Variants in DPP10 observed in about 807,000 individuals in gnomAD.
The protein encoded by DPP10 is dipeptidyl peptidase like 10.
In DPP10, 33 loss-of-function variants were observed where a neutral mutation model predicts 120.9. The ratio of observed to expected loss-of-function variants is 0.27; its 90% CI spans 0.21 to 0.37. The LOEUF (loss-of-function observed/expected upper bound fraction) is 0.37. DPP10 is among the 10% of genes least tolerant of loss of function. The pLI is 1.00. For missense variants in DPP10, 816 were observed against 942.8 expected, an observed-to-expected ratio of 0.87 and a Z score of 1.76; for synonymous variants, 337 against 326.1, an observed-to-expected ratio of 1.03 and a Z score of -0.36.
intron 1 of DPP10, among the ~76,000 whole-genome samples, chr2:115,267,416 G>A (rs565067693): frequency 2.6e-5 from 4 of 152,116 alleles, no homozygotes; most frequent in Non-Finnish European, 5.9e-5. Context: ...TAGAGTAGCA[G>A]GGACTTGTTT....
At chr2:114,656,067 G>A (rs182198206) in intron 1 of DPP10, among the ~76,000 whole-genome samples, 1 of 152,228 alleles carries the variant, frequency 6.6e-6, no homozygotes, top group Admixed American at 6.5e-5. Flanking sequence ...AATTAGTTAT[G>A]TTGAGATTCA....
intron 3 of DPP10, among the ~76,000 whole-genome samples, chr2:115,352,560 T>C (rs559104789): frequency 1.7e-4 from 26 of 152,306 alleles, no homozygotes; most frequent in Middle Eastern, 3.4e-3. Context: ...TATCCTTTTA[T>C]CTATCCAACA....
At chr2:115,179,876 G>A (rs756920585) in intron 1 of DPP10, among the ~76,000 whole-genome samples, 2 of 152,170 alleles carry the variant, frequency 1.3e-5, no homozygotes, top group Non-Finnish European at 2.9e-5. Context: ...ACTCGAAACC[G>A]TTTCACAGAA....
chr2:114,587,358 C>T (rs540525548), intron 1 of DPP10, among the ~76,000 whole-genome samples: 1 of 150,530 alleles, frequency 6.6e-6, no homozygotes, highest in South Asian at 2.1e-4. Context: ...CAGACACACA[C>T]AGCCTCAGTT....
rs563908991 is a variant in DPP10 at position 115,354,187 on chromosome 2, G to A, written c.271+10275G>A. On this transcript the variant is annotated intron_variant, in intron 3 of 25. Transcript: ENST00000410059. ...GTCAACTTTTATTTTAGATTCAGGGGTACATGTTGTTACCTGGGTATACCA... is the reference window on the plus strand; with the variant it reads ...GTCAACTTTTATTTTAGATTCAGGGATACATGTTGTTACCTGGGTATACCA... Among the ~76,000 whole-genome samples the A allele has an allele frequency of 5.3e-5, 8 of 152,126 alleles. No individual in the cohort carries two copies. In the South Asian group the frequency reaches 1.7e-3, roughly 32 times the overall value.
intron 3 of DPP10, among the ~76,000 whole-genome samples, chr2:115,347,954 T>C (rs1027050435): frequency 2.6e-5 from 4 of 152,162 alleles, no homozygotes; most frequent in Non-Finnish European, 5.9e-5. Context: ...CATATGCATG[T>C]GTCTTTATAG....
intron 1 of DPP10, among the ~76,000 whole-genome samples, chr2:114,720,702 C>A (rs1189553801): frequency 1.3e-5 from 2 of 152,188 alleles, no homozygotes; most frequent in Admixed American, 6.5e-5. Context: ...GACTAGTGCT[C>A]ACCCATATCT....
intron 1 of DPP10, among the ~76,000 whole-genome samples, chr2:115,125,510 A>T (rs1573704293): frequency 6.6e-6 from 1 of 151,948 alleles, no homozygotes; most frequent in South Asian, 2.1e-4. Context: ...ACCATTTTTA[A>T]AGTATTTTCT....
intron 1 of DPP10, among the ~76,000 whole-genome samples, chr2:115,227,480 ACAGTT>A (rs1288438940): frequency 1.3e-5 from 2 of 152,122 alleles, no homozygotes; most frequent in African/African-American, 4.8e-5. Flanking sequence ...TTCTTAGTGA[ACAGTT>A]CTGAGTTTTG....
At chr2:115,074,146 G>A (rs1707598230) in intron 1 of DPP10, among the ~76,000 whole-genome samples, 1 of 152,012 alleles carries the variant, frequency 6.6e-6, no homozygotes, top group Non-Finnish European at 1.5e-5. Context: ...CTAGTCGCTT[G>A]GACTACAGGC....
chr2:115,051,916 A>T (rs1192812343), intron 1 of DPP10, among the ~76,000 whole-genome samples: 1 of 152,236 alleles, frequency 6.6e-6, no homozygotes, highest in East Asian at 1.9e-4. Context: ...ATATATCAGA[A>T]CATCATGTTA....
chr2:115,215,697 T>C (rs1441910375), intron 1 of DPP10, among the ~76,000 whole-genome samples: 3 of 152,206 alleles, frequency 2.0e-5, no homozygotes, highest in African/African-American at 4.8e-5. Flanking sequence ...GAAAACAGTA[T>C]GCAGATTTTT....
At chr2:114,544,389 T>C (rs1430326652) in intron 1 of DPP10, among the ~76,000 whole-genome samples, 1 of 152,218 alleles carries the variant, frequency 6.6e-6, no homozygotes, top group Non-Finnish European at 1.5e-5. Context: ...CACAGACTAA[T>C]AAAGTATGTT....
At chr2:114,754,717 T>C (rs994423759) in intron 1 of DPP10, among the ~76,000 whole-genome samples, 2 of 152,116 alleles carry the variant, frequency 1.3e-5, no homozygotes, top group African/African-American at 4.8e-5. Context: ...GGCAGCCTGT[T>C]CACTCGTGTG....
At chr2:114,689,119 C>T (rs562992613) in intron 1 of DPP10, among the ~76,000 whole-genome samples, 1 of 151,672 alleles carries the variant, frequency 6.6e-6, no homozygotes, top group African/African-American at 2.4e-5. Flanking sequence ...GCAGGATGTG[C>T]AGGTTTGTTA....
At chr2:115,513,375 T>C (rs2077333932) in intron 4 of DPP10, among the ~76,000 whole-genome samples, 1 of 151,982 alleles carries the variant, frequency 6.6e-6, no homozygotes, top group Admixed American at 6.6e-5. Context: ...TTTAATGCAA[T>C]TATTAATAAG....
chr2:114,468,022 G>GTAA (rs1196319359), intron 1 of DPP10, among the ~76,000 whole-genome samples: 9 of 152,022 alleles, frequency 5.9e-5, no homozygotes, highest in African/African-American at 1.9e-4. Flanking sequence ...CACCATCTTA[G>GTAA]TAATAATAAT....
At chr2:115,544,726 A>G (rs527440651) in intron 5 of DPP10, among the ~76,000 whole-genome samples, 11 of 152,176 alleles carry the variant, frequency 7.2e-5, no homozygotes, top group African/African-American at 2.4e-4. Flanking sequence ...AACATAACAT[A>G]TGGCATTCAA....
At chr2:115,550,855 G>A (rs1173716944) in intron 5 of DPP10, among the ~76,000 whole-genome samples, 2 of 152,096 alleles carry the variant, frequency 1.3e-5, no homozygotes, top group African/African-American at 2.4e-5. Context: ...TTGTCTCCTT[G>A]TTTAAAGAAC....
Sources: gnomAD v4.1 joint callset for allele counts (sites outside exome capture counted in the v4.1 genomes callset) on GRCh38, gnomAD v4.1.1 for gene constraint, MANE v1.5 for transcripts, NCBI Gene and HGNC (gene_info 2026-07-23, HGNC 2026-07-21) for gene names.